The following ARHGEF7 variants were observed in gnomAD, a reference collection of about 807,000 sequenced individuals.
The protein encoded by ARHGEF7 is Rho guanine nucleotide exchange factor 7, also known as PAK-interacting exchange factor beta.
Under a neutral mutation model 109.8 loss-of-function variants are expected in ARHGEF7, and 33 were observed. The ratio of observed to expected loss-of-function variants is 0.30; its 90% CI spans 0.23 to 0.40. The LOEUF (loss-of-function observed/expected upper bound fraction) is 0.40. Ranked by LOEUF, ARHGEF7 falls within the 10% of genes least tolerant of loss-of-function variation. The pLI is 1.00. For missense variants in ARHGEF7, 938 were observed against 1,098.5 expected (o/e 0.85, Z 2.07); for synonymous variants, 458 against 424.6 (o/e 1.08, Z -0.97).
intron 6 of ARHGEF7, among the ~76,000 whole-genome samples, chr13:111,243,295 A>T (rs2088143255): frequency 6.6e-6 from 1 of 152,208 alleles, no homozygotes; most frequent in Non-Finnish European, 1.5e-5. Flanking sequence ...CAGTCCAGTG[A>T]GCTTTTACAA....
chr13:111,291,255 G>A (rs538146130), intron 18 of ARHGEF7, among the ~76,000 whole-genome samples: 133 of 152,370 alleles, frequency 8.7e-4, no homozygotes, highest in African/African-American at 3.0e-3. Flanking sequence ...CCTGGCCATG[G>A]GCAGTGCTCA....
At chr13:111,215,690 T>G (rs2083041960) in intron 4 of ARHGEF7, among the ~76,000 whole-genome samples, 1 of 152,120 alleles carries the variant, frequency 6.6e-6, no homozygotes, top group African/African-American at 2.4e-5. Context: ...GATCTAGTCT[T>G]TTGCGTATTT....
intron 19 of ARHGEF7, chr13:111,293,251 T>TC: frequency 1.0e-6 from 1 of 985,296 alleles, no homozygotes; most frequent in South Asian, 4.7e-5. Context: ...TTCCCCCGGC[T>TC]CCCCACCCCT....
At position 111,280,330 on chromosome 13, in the gene ARHGEF7, G is replaced by T. The variant is rs1489242648; in HGVS notation, c.1565G>T (p.Arg522Ile). The change falls in exon 14 of 22, where the codon AGA becomes ATA. Residue 522 changes from arginine (R) to isoleucine (I), a missense_variant. By Grantham distance (97) the Arg-to-Ile change is moderately conservative. This residue lies in a region of ARHGEF7 where 585 missense variants were observed against 723.6 expected (regional missense o/e 0.81). Transcript: ENST00000646102. ...ITKLEDSENH[R>I]NAFEISGSMI... is the part of the protein sequence containing the mutation. ...AAGCTTGAGGACAGTGAAAATCATA[G>T]AAATGCATTTGAAATATCAGGTGAT... The T allele has an allele frequency of 6.2e-7, 1 of 1,612,772 alleles. No individual in the cohort carries two copies. Among genetic ancestry groups the T allele is most frequent in the African/African-American group, 1.3e-5 (1 of 74,668 alleles).
rs1181999724 is a variant in ARHGEF7 at position 111,303,845 on chromosome 13, G to A, written c.*732G>A. 1 of 152,284 alleles carries A rather than the reference G, an allele frequency of 6.6e-6. No homozygotes were observed. The highest frequency in any genetic ancestry group is 1.9e-4 in the East Asian group (1 of 5,206). 9.4% of individuals were successfully genotyped at this position (152,284 alleles called of 1,614,324 possible). A position where few individuals can be genotyped will look rare whatever the true frequency, so the allele number is the denominator to read the frequency against. ...CTAGAGGTGTTTGCTCTTGTCCGCT[G>A]TCTGAGTACTGTGATTCTCAGATGA... is the stretch of plus-strand genomic sequence containing the variant. On this transcript the variant is annotated 3_prime_UTR_variant, in exon 22 of 22. Coordinates refer to ENST00000646102, the MANE Select transcript of ARHGEF7 (RefSeq NM_001354046.2).
At chr13:111,220,819 G>C (rs772252536) in intron 5 of ARHGEF7, among the ~76,000 whole-genome samples, 1 of 151,914 alleles carries the variant, frequency 6.6e-6, no homozygotes, top group Non-Finnish European at 1.5e-5. Context: ...GCGTGTGTGC[G>C]TGCCCGGTTT....
intron 6 of ARHGEF7, among the ~76,000 whole-genome samples, chr13:111,235,409 A>G (rs1284617570): frequency 2.0e-5 from 3 of 152,350 alleles, no homozygotes; most frequent in Admixed American, 2.0e-4. Context: ...GTCCTTTTAC[A>G]GAGAGAATAG....
chr13:111,299,886 G>A (rs563882316), intron 19 of ARHGEF7, among the ~76,000 whole-genome samples: 3 of 152,270 alleles, frequency 2.0e-5, no homozygotes, highest in South Asian at 2.1e-4. Context: ...CCGCTTGCAG[G>A]TGCTTGTGTT....
chr13:111,219,381 A>G (rs1304400116), intron 5 of ARHGEF7, among the ~76,000 whole-genome samples: 1 of 152,240 alleles, frequency 6.6e-6, no homozygotes, highest in Non-Finnish European at 1.5e-5. Flanking sequence ...TGTATGTACA[A>G]CATTGTGTGT....
Position 111,205,290 on chromosome 13 carries a change from C to A in ARHGEF7, c.254C>A (p.Thr85Lys). The change falls in exon 3 of 22, where the codon ACG (threonine) becomes AAG (lysine). Residue 85 changes from threonine (T) to lysine (K), a missense_variant and splice_region_variant. Around this residue, in one of 4 missense-constraint regions of ARHGEF7, gnomAD observed 165 missense variants for 125.8 expected, o/e 1.31. Transcript: ENST00000646102. ...TGCTTGTTTAATTTTTCCTTTCAGACGTTTGATGCAAATGATTTGTATCAG... is the reference window on the plus strand; with the variant it reads ...TGCTTGTTTAATTTTTCCTTTCAGAAGTTTGATGCAAATGATTTGTATCAG... ...RGCGASLRLE[T>K]FDANDLYQGQ... 1 of 1,599,398 alleles carries A rather than the reference C, an allele frequency of 6.3e-7. No individual in the cohort carries two copies. Among genetic ancestry groups the A allele is most frequent in the Non-Finnish European group, 8.5e-7 (1 of 1,176,446 alleles).
rs2076911059 is a variant in ARHGEF7 at position 111,163,645 on chromosome 13, G to GC, written c.252+9659dup. Among the ~76,000 whole-genome samples the GC allele has an allele frequency of 2.6e-5, 4 of 151,850 alleles. No homozygotes were observed. In the South Asian group the frequency reaches 6.2e-4, roughly 24 times the overall value. ...AGTGGCGTGATCATGGTTCACTGCAGCCCCCACCCCACCAAGTACCTTAGA... is the reference window on the plus strand; with the variant it reads ...AGTGGCGTGATCATGGTTCACTGCAGCCCCCCACCCCACCAAGTACCTTAGA... On this transcript the variant is annotated intron_variant, in intron 2 of 21. Transcript: ENST00000646102.
Position 111,244,191 on chromosome 13 carries a change from G to C in ARHGEF7, c.855-8G>C. The C allele has an allele frequency of 1.3e-6, 2 of 1,564,276 alleles. No homozygotes were observed. Among genetic ancestry groups the C allele is most frequent in the Non-Finnish European group, 1.7e-6 (2 of 1,148,124 alleles). ...ACATATGTTTACTGTTATTTTTCTT[G>C]GCTCTAGGTTAAGTTCAGCAAACAT... On this transcript the variant is annotated splice_polypyrimidine_tract_variant and splice_region_variant and intron_variant, in intron 7 of 21. Coordinates refer to ENST00000646102, the MANE Select transcript of ARHGEF7 (RefSeq NM_001354046.2).
intron 3 of ARHGEF7, among the ~76,000 whole-genome samples, chr13:111,208,325 C>T (rs1447527011): frequency 6.6e-6 from 1 of 152,234 alleles, no homozygotes; most frequent in African/African-American, 2.4e-5. Context: ...CAGGCATGAG[C>T]CACTGCGCCT....
At chr13:111,186,252 T>C (rs1471691289) in intron 2 of ARHGEF7, among the ~76,000 whole-genome samples, 1 of 152,174 alleles carries the variant, frequency 6.6e-6, no homozygotes, top group African/African-American at 2.4e-5. Context: ...TCTGCTCCTC[T>C]CACCCCTTCC....
At chr13:111,289,698 T>G (rs2093193470) in intron 18 of ARHGEF7, among the ~76,000 whole-genome samples, 1 of 150,816 alleles carries the variant, frequency 6.6e-6, no homozygotes, top group Admixed American at 6.6e-5. Context: ...GGAAGAGGAC[T>G]TCTCAACTGC....
intron 8 of ARHGEF7, among the ~76,000 whole-genome samples, chr13:111,244,579 A>AC (rs2088435730): frequency 6.6e-6 from 1 of 152,194 alleles, no homozygotes; most frequent in Non-Finnish European, 1.5e-5. Flanking sequence ...ATGGCCTGAC[A>AC]CCAGGACCAC....
In ARHGEF7 at chr13:111,126,160, T is replaced by C. The variant is rs566178090; in HGVS notation, c.165+10469T>C. On this transcript the variant is annotated intron_variant, in intron 1 of 21. Coordinates refer to ENST00000646102, the MANE Select transcript of ARHGEF7 (RefSeq NM_001354046.2). ...GTGGAAACACATTTTCTGGTTATAA[T>C]CATCCCTATTTGTTAAGGATTTTTG... Among the ~76,000 whole-genome samples the C allele has an allele frequency of 5.3e-5, 8 of 152,360 alleles. No homozygotes were observed. In the East Asian group the frequency reaches 1.5e-3, roughly 29 times the overall value.
rs1348104681 is a variant in ARHGEF7, at chr13:111,186,180, G to C, written c.253-19109G>C. On this transcript the variant is annotated intron_variant, in intron 2 of 21. Coordinates refer to ENST00000646102, the MANE Select transcript of ARHGEF7 (RefSeq NM_001354046.2). ...GGTTGCGCCCGGTCTGCAGAAGGCAGAGAGCATCTTGTTGGGAAGAGCCCT... is the reference window on the plus strand; with the variant it reads ...GGTTGCGCCCGGTCTGCAGAAGGCACAGAGCATCTTGTTGGGAAGAGCCCT... 3.3e-5 allele frequency among the ~76,000 whole-genome samples: 5 copies of C among 152,226 alleles called. No homozygotes were observed. In the East Asian group the frequency reaches 7.7e-4, roughly 24 times the overall value.
rs141913808 is a variant in ARHGEF7, at chr13:111,250,126, C to T, written c.950+5832C>T. Among the ~76,000 whole-genome samples, 1,137 of 152,348 alleles carry T rather than the reference C, an allele frequency of 7.5e-3. 12 individuals carry two copies. Among genetic ancestry groups the T allele is most frequent in the African/African-American group, 0.026 (1,080 of 41,582 alleles). On this transcript the variant is annotated intron_variant, in intron 8 of 21. Transcript: ENST00000646102. ...TTCAAATCACAGTTCTTCCTTTCAT[C>T]AGCTGTAGAGGGCTCCTTGCAAGCA...
Sources: allele counts gnomAD v4.1 joint callset (sites outside exome capture counted in the v4.1 genomes callset), GRCh38; gene constraint gnomAD v4.1.1; regional missense constraint gnomAD v4.1.1; transcripts MANE v1.5; gene names NCBI Gene and HGNC (gene_info 2026-07-23, HGNC 2026-07-21).